SLMAP: variants seen among roughly 807,000 people sequenced by gnomAD.
SLMAP encodes the protein sarcolemma associated protein, also known as sarcolemmal membrane-associated protein.
In SLMAP, 44 loss-of-function variants were observed where a neutral mutation model predicts 128.8. The ratio of observed to expected loss-of-function variants is 0.34; its 90% CI spans 0.27 to 0.44. The LOEUF is 0.44. SLMAP is among the 20% of genes least tolerant of loss of function. The pLI, the probability that SLMAP is intolerant of heterozygous loss-of-function variation, is 1.00. For missense variants in SLMAP, 787 were observed against 985.3 expected (o/e 0.80, Z 2.69); for synonymous variants, 327 against 348.8 (o/e 0.94, Z 0.70).
At chr3:57,806,579 A>G (rs1482687253) in intron 2 of SLMAP, among the ~76,000 whole-genome samples, 1 of 152,100 alleles carries the variant, frequency 6.6e-6, no homozygotes, top group Non-Finnish European at 1.5e-5. Context: ...CTGGGATTAT[A>G]GGCATATGCC....
intron 2 of SLMAP, among the ~76,000 whole-genome samples, chr3:57,801,696 G>A (rs373417145): frequency 2.1e-4 from 31 of 146,924 alleles, no homozygotes; most frequent in African/African-American, 7.6e-4. Context: ...TCTTAATACC[G>A]TGATCTTTAT....
Position 57,925,938 on chromosome 3 carries a change from C to CA in SLMAP, c.*6+6dup, listed in dbSNP as rs2096999711. The CA allele has an allele frequency of 1.9e-6, 3 of 1,545,814 alleles. No individual in the cohort carries two copies. Among genetic ancestry groups the CA allele is most frequent in the Non-Finnish European group, 2.6e-6 (3 of 1,142,382 alleles). Reference sequence around the variant, plus strand: ...CGGTCCATTGTGGTAGAGAAAGGTACAAGCACTATTGTTGAGTCCTTGTCT... The same window carrying CA: ...CGGTCCATTGTGGTAGAGAAAGGTACAAAGCACTATTGTTGAGTCCTTGTCT... On this transcript the variant is annotated splice_donor_region_variant and intron_variant, in intron 24 of 24. Transcript: ENST00000671191.
In SLMAP at chr3:57,864,731, C is replaced by A; in HGVS notation, c.1135+15C>A. 1 of 1,577,750 alleles carries A rather than the reference C, an allele frequency of 6.3e-7. No homozygotes were observed. Among genetic ancestry groups the A allele is most frequent in the Non-Finnish European group, 8.6e-7 (1 of 1,167,200 alleles). On this transcript the variant is annotated intron_variant, in intron 11 of 24. Coordinates refer to ENST00000671191, the MANE Select transcript of SLMAP (RefSeq NM_001377540.1). ...AGCTTTACAAGGTAAGTAGCTAATC[C>A]AGAAATTGATTTTATTTTATTTTTT...
At chr3:57,833,138 T>C (rs1457897433) in intron 3 of SLMAP, among the ~76,000 whole-genome samples, 2 of 152,232 alleles carry the variant, frequency 1.3e-5, no homozygotes, top group African/African-American at 2.4e-5. Context: ...AAGGGAATTA[T>C]TAGGTGTTGA....
At chr3:57,895,216 A>G (rs1306437703) in intron 15 of SLMAP, among the ~76,000 whole-genome samples, 1 of 152,158 alleles carries the variant, frequency 6.6e-6, no homozygotes, top group East Asian at 1.9e-4. Context: ...CATCTTTAAT[A>G]AACTATTGGG....
At chr3:57,855,726 C>A (rs9868396) in intron 6 of SLMAP, among the ~76,000 whole-genome samples, 40,613 of 128,648 alleles carry the variant, frequency 0.32, 6,456 homozygotes, top group East Asian at 0.48. Context: ...AAAAAAAAAA[C>A]AAAAAAAAAA....
At chr3:57,849,906 G>A (rs1286118076) in intron 6 of SLMAP, 90 bp downstream of exon 6, 5 of 771,130 alleles carry the variant, frequency 6.5e-6, no homozygotes, top group Non-Finnish European at 1.2e-5. Flanking sequence ...AGGCATGGTG[G>A]CTAATGCCTG....
intron 2 of SLMAP, among the ~76,000 whole-genome samples, chr3:57,772,291 G>GGAAGAACATTTTATCAGTT (rs2081043398): frequency 1.3e-5 from 2 of 152,204 alleles, no homozygotes; most frequent in South Asian, 4.1e-4. Context: ...AGTTGAGTCT[G>GGAAGAACATTTTATCAGTT]GAAGAACATT....
intron 2 of SLMAP, among the ~76,000 whole-genome samples, chr3:57,815,071 T>C (rs140258476): frequency 6.6e-6 from 1 of 152,296 alleles, no homozygotes; most frequent in East Asian, 1.9e-4. Context: ...GAAAACAGTT[T>C]TTCCATGGAT....
At chr3:57,878,256 A>G (rs1024157049) in intron 14 of SLMAP, among the ~76,000 whole-genome samples, 2 of 152,170 alleles carry the variant, frequency 1.3e-5, no homozygotes, top group East Asian at 1.9e-4. Flanking sequence ...GAAATGAGTA[A>G]CCTTATGAAA....
chr3:57,828,606 C>T (rs1272376949), intron 2 of SLMAP, among the ~76,000 whole-genome samples: 2 of 151,882 alleles, frequency 1.3e-5, no homozygotes, highest in East Asian at 3.9e-4. Context: ...GTAAGGACTT[C>T]GGATTTTATT....
intron 8 of SLMAP, 67 bp downstream of exon 8, chr3:57,858,226 T>C (rs2094884083): frequency 1.1e-6 from 1 of 921,188 alleles, no homozygotes; most frequent in Non-Finnish European, 1.8e-6. Context: ...TTTCTTTGAC[T>C]ATCATTTTGA....
At chr3:57,915,442 A>C (rs1209854009) in intron 21 of SLMAP, among the ~76,000 whole-genome samples, 1 of 152,200 alleles carries the variant, frequency 6.6e-6, no homozygotes, top group Non-Finnish European at 1.5e-5. Context: ...CTGATGCCCT[A>C]AATTTGCTTG....
intron 13 of SLMAP, among the ~76,000 whole-genome samples, chr3:57,869,630 T>TTATTTATATATATATATA (rs1553900189): frequency 2.7e-5 from 2 of 75,462 alleles, no homozygotes; most frequent in African/African-American, 1.0e-4. Context: ...CCCATCTCTA[T>TTATTTATATATATATATA]TATATATATA....
At chr3:57,851,248 G>T (rs1028103837) in intron 6 of SLMAP, among the ~76,000 whole-genome samples, 17 of 151,966 alleles carry the variant, frequency 1.1e-4, no homozygotes, top group Admixed American at 7.9e-4. Context: ...TGTGCTGCTG[G>T]ATTCACAGAA....
At chr3:57,895,011 G>T (rs1287464976) in intron 15 of SLMAP, among the ~76,000 whole-genome samples, 1 of 152,018 alleles carries the variant, frequency 6.6e-6, no homozygotes, top group African/African-American at 2.4e-5. Context: ...AATGCCATAG[G>T]CCAGGTGTGG....
intron 17 of SLMAP, chr3:57,897,794 C>G (rs1213681425): frequency 6.6e-6 from 1 of 152,098 alleles, no homozygotes; most frequent in African/African-American, 2.4e-5. Flanking sequence ...AAGTACATTT[C>G]TTGATATTTA....
At chr3:57,797,951 CTT>C (rs2087171632) in intron 2 of SLMAP, among the ~76,000 whole-genome samples, 1 of 152,126 alleles carries the variant, frequency 6.6e-6, no homozygotes, top group Non-Finnish European at 1.5e-5. Context: ...ACCTTGGTGA[CTT>C]TTGGCAAGAA....
At chr3:57,911,032 C>T (rs1405865197) in intron 19 of SLMAP, among the ~76,000 whole-genome samples, 1 of 152,152 alleles carries the variant, frequency 6.6e-6, no homozygotes, top group East Asian at 1.9e-4. Context: ...TCTTAAAACT[C>T]CTATTGTAGT....
Sources: gnomAD v4.1 joint callset for allele counts (sites outside exome capture counted in the v4.1 genomes callset) on GRCh38, gnomAD v4.1.1 for gene constraint, MANE v1.5 for transcripts, NCBI Gene and HGNC (gene_info 2026-07-23, HGNC 2026-07-21) for gene names.